The following CNTNAP2 variants were observed in gnomAD, a reference collection of about 807,000 sequenced individuals.
CNTNAP2 encodes contactin-associated protein-like 2.
Under a neutral mutation model 155.2 loss-of-function variants are expected in CNTNAP2, and 98 were observed. The ratio of observed to expected loss-of-function variants is 0.63; its 90% confidence interval spans 0.54 to 0.75. The LOEUF (loss-of-function observed/expected upper bound fraction) is 0.75. Among genes scored for constraint, CNTNAP2 ranks in the 30% least tolerant of loss-of-function variants. CNTNAP2 has a pLI of 0.00. For missense variants in CNTNAP2, 1,727 were observed against 1,688.1 expected, an observed-to-expected ratio of 1.02 and a Z score of -0.40; for synonymous variants, 651 against 631.2, an observed-to-expected ratio of 1.03 and a Z score of -0.47.
intron 22 of CNTNAP2, among the ~76,000 whole-genome samples, chr7:148,399,439 T>C (rs546787283): frequency 1.3e-5 from 2 of 152,280 alleles, no homozygotes; most frequent in South Asian, 4.1e-4. Context: ...TTAAAATGCA[T>C]CTGTTCTCTC....
At chr7:147,775,075 G>T (rs1243428636) in intron 13 of CNTNAP2, among the ~76,000 whole-genome samples, 1 of 150,280 alleles carries the variant, frequency 6.7e-6, no homozygotes, top group East Asian at 2.0e-4. Flanking sequence ...TTCTTCCAAA[G>T]GCTGTAGCAG....
intron 1 of CNTNAP2, among the ~76,000 whole-genome samples, chr7:146,490,094 G>A (rs1284632264): frequency 6.6e-6 from 1 of 152,140 alleles, no homozygotes; most frequent in Non-Finnish European, 1.5e-5. Context: ...AACTGCCTTT[G>A]GTTTGGAGGG....
At chr7:147,199,560 A>G (rs950551568) in intron 8 of CNTNAP2, among the ~76,000 whole-genome samples, 1 of 152,008 alleles carries the variant, frequency 6.6e-6, no homozygotes, top group African/African-American at 2.4e-5. Flanking sequence ...CTTCTCTTCA[A>G]ATGTGGCCTT....
At chr7:148,142,322 C>T (rs1215669197) in intron 16 of CNTNAP2, among the ~76,000 whole-genome samples, 1 of 151,970 alleles carries the variant, frequency 6.6e-6, no homozygotes, top group African/African-American at 2.4e-5. Context: ...GCCTTCCTGC[C>T]TCTTCTCATG....
intron 1 of CNTNAP2, among the ~76,000 whole-genome samples, chr7:146,622,241 G>T (rs3953409): frequency 2.6e-5 from 3 of 114,176 alleles, no homozygotes; most frequent in Non-Finnish European, 5.5e-5. Context: ...ATATGTGTGT[G>T]TATATCTATC....
At chr7:146,668,526 A>G (rs572399620) in intron 1 of CNTNAP2, among the ~76,000 whole-genome samples, 106 of 151,372 alleles carry the variant, frequency 7.0e-4, no homozygotes, top group African/African-American at 2.6e-3. Flanking sequence ...ATGAGTTTGG[A>G]AGAATTCCCT....
At chr7:148,204,454 A>G (rs1027501716) in intron 18 of CNTNAP2, among the ~76,000 whole-genome samples, 25 of 152,272 alleles carry the variant, frequency 1.6e-4, no homozygotes, top group Admixed American at 3.9e-4. Flanking sequence ...ATGACTTTGA[A>G]TTTCAGAACA....
chr7:146,499,915 G>A (rs1797275704), intron 1 of CNTNAP2, among the ~76,000 whole-genome samples: 1 of 152,082 alleles, frequency 6.6e-6, no homozygotes, highest in Admixed American at 6.6e-5. Context: ...AGTTTTTAGA[G>A]TACAAGTCTT....
intron 1 of CNTNAP2, among the ~76,000 whole-genome samples, chr7:146,496,690 A>G (rs116575030): frequency 0.013 from 2,043 of 152,264 alleles, 48 homozygotes; most frequent in African/African-American, 0.047. Flanking sequence ...AAGATCAAAG[A>G]CGAAATCCAT....
chr7:148,009,689 G>A (rs1382777088), intron 15 of CNTNAP2, among the ~76,000 whole-genome samples: 1 of 151,980 alleles, frequency 6.6e-6, no homozygotes, highest in Non-Finnish European at 1.5e-5. Flanking sequence ...TTAAATAAAT[G>A]CCATCATATA....
At chr7:146,207,568 T>G (rs879410104) in intron 1 of CNTNAP2, among the ~76,000 whole-genome samples, 9 of 151,246 alleles carry the variant, frequency 6.0e-5, no homozygotes, top group Non-Finnish European at 1.0e-4. Context: ...TTATCAATCA[T>G]AACAATGTGT....
intron 1 of CNTNAP2, among the ~76,000 whole-genome samples, chr7:146,676,494 T>C (rs1454223111): frequency 6.6e-6 from 1 of 152,002 alleles, no homozygotes; most frequent in African/African-American, 2.4e-5. Flanking sequence ...CGGGAGTATA[T>C]GTGCGGGTTT....
At chr7:147,822,288 C>T (rs900842379) in intron 13 of CNTNAP2, among the ~76,000 whole-genome samples, 9 of 152,200 alleles carry the variant, frequency 5.9e-5, no homozygotes, top group South Asian at 2.1e-4. Flanking sequence ...TCTATGTAAC[C>T]GTAGATACAT....
chr7:148,108,240 C>T (rs190426584), intron 15 of CNTNAP2, among the ~76,000 whole-genome samples: 15 of 152,196 alleles, frequency 9.9e-5, no homozygotes, highest in East Asian at 5.8e-4. Context: ...CCTTCTTAGT[C>T]GTCAGGTCCC....
At chr7:147,840,315 T>C (rs1269284807) in intron 13 of CNTNAP2, among the ~76,000 whole-genome samples, 1 of 152,126 alleles carries the variant, frequency 6.6e-6, no homozygotes, top group African/African-American at 2.4e-5. Context: ...TCTATAAAAA[T>C]TTAAAAATTT....
chr7:147,644,318 G>A lies in CNTNAP2; in HGVS notation c.2098+5012G>A, dbSNP rs542147543. Among the ~76,000 whole-genome samples, 8 of 152,228 alleles carry A rather than the reference G, an allele frequency of 5.3e-5. No individual in the cohort carries two copies. In the South Asian group the frequency reaches 1.7e-3, roughly 32 times the overall value. On this transcript the variant is annotated intron_variant, in intron 13 of 23. Transcript: ENST00000361727. ...ACAGTGAAATCTACTTCTCAAATAAGTACCATAAGAACTTGAATTTGGCCG... is the reference window on the plus strand; with the variant it reads ...ACAGTGAAATCTACTTCTCAAATAAATACCATAAGAACTTGAATTTGGCCG...
chr7:147,417,844 T>C (rs1214166740), intron 10 of CNTNAP2, among the ~76,000 whole-genome samples: 1 of 152,214 alleles, frequency 6.6e-6, no homozygotes, highest in Non-Finnish European at 1.5e-5. Context: ...GTATTAAATA[T>C]TTGAGATTAA....
At chr7:147,862,989 G>C (rs907396114) in intron 13 of CNTNAP2, among the ~76,000 whole-genome samples, 11 of 151,976 alleles carry the variant, frequency 7.2e-5, no homozygotes, top group South Asian at 4.2e-4. Flanking sequence ...GTGCAGGTTT[G>C]ATACAGAGGT....
intron 15 of CNTNAP2, among the ~76,000 whole-genome samples, chr7:148,045,821 A>T (rs1802764879): frequency 2.0e-5 from 3 of 152,222 alleles, no homozygotes; most frequent in African/African-American, 7.2e-5. Flanking sequence ...ACAGATAAAC[A>T]GTTCATATGT....
Sources: allele counts gnomAD v4.1 joint callset (sites outside exome capture counted in the v4.1 genomes callset), GRCh38; gene constraint gnomAD v4.1.1; transcripts MANE v1.5; gene names NCBI Gene and HGNC (gene_info 2026-07-23, HGNC 2026-07-21).